The following CFAP299 variants were observed in gnomAD, a reference collection of about 807,000 sequenced individuals.
CFAP299 encodes cilia and flagella associated protein 299.
In CFAP299, 21 loss-of-function variants were observed where a neutral mutation model predicts 27.0. The ratio of observed to expected loss-of-function variants is 0.78; its 90% CI spans 0.55 to 1.12. The LOEUF is 1.12. Ranked by LOEUF, CFAP299 falls within the 50% of genes most tolerant of loss-of-function variation. The pLI is 0.00. For missense variants in CFAP299, 310 were observed against 276.6 expected (o/e 1.12, Z -0.86); for synonymous variants, 104 against 98.1 (o/e 1.06, Z -0.36).
At chr4:80,576,193 A>ATATATAT (rs1264207681) in intron 2 of CFAP299, among the ~76,000 whole-genome samples, 9 of 33,308 alleles carry the variant, frequency 2.7e-4, no homozygotes, top group African/African-American at 7.0e-4. Flanking sequence ...ATAATAAAAA[A>ATATATAT]AAAAATATAT....
chr4:80,497,526 CATATT>C (rs921646986), intron 2 of CFAP299, among the ~76,000 whole-genome samples: 5 of 152,140 alleles, frequency 3.3e-5, no homozygotes, highest in Non-Finnish European at 7.4e-5. Context: ...TACACACACA[CATATT>C]ATAGAAAAAT....
Position 80,437,109 on chromosome 4 carries a change from A to G in CFAP299, c.242+74225A>G, listed in dbSNP as rs536157414. Among the ~76,000 whole-genome samples the G allele has an allele frequency of 1.5e-4, 23 of 152,334 alleles. No homozygotes were observed. In the South Asian group the frequency reaches 4.6e-3, roughly 30 times the overall value. On this transcript the variant is annotated intron_variant, in intron 2 of 5. Coordinates refer to ENST00000358105, the MANE Select transcript of CFAP299 (RefSeq NM_152770.3). ...GCTAAGAGTTAGATAATAACCAGATAAATGACTACAGTGAATTATCCTACA... is the reference window on the plus strand; with the variant it reads ...GCTAAGAGTTAGATAATAACCAGATGAATGACTACAGTGAATTATCCTACA...
At chr4:80,652,164 T>TGATGAAATA (rs774558392) in intron 3 of CFAP299, among the ~76,000 whole-genome samples, 3 of 152,150 alleles carry the variant, frequency 2.0e-5, no homozygotes, top group Admixed American at 6.5e-5. Flanking sequence ...ACATTTTAGA[T>TGATGAAATA]GATGAAATAC....
At chr4:80,482,166 C>A (rs1330578680) in intron 2 of CFAP299, among the ~76,000 whole-genome samples, 2 of 151,518 alleles carry the variant, frequency 1.3e-5, no homozygotes, top group Non-Finnish European at 2.9e-5. Context: ...GCTTGAAATT[C>A]TTTTACCAGA....
chr4:80,888,004 G>A lies in CFAP299; in HGVS notation c.476+17869G>A. On this transcript the variant is annotated intron_variant, in intron 4 of 5. Transcript: ENST00000358105. ...TATAAAAAAATAAAAAAATAGGAAAGTAAAGTATATCACCAGAGAAAAATC... is the reference window on the plus strand; with the variant it reads ...TATAAAAAAATAAAAAAATAGGAAAATAAAGTATATCACCAGAGAAAAATC... Among the ~76,000 whole-genome samples the A allele has an allele frequency of 1.3e-5, 2 of 151,848 alleles. 1 individual carries two copies. The highest frequency in any genetic ancestry group is 2.9e-5 in the Non-Finnish European group (2 of 67,884).
At chr4:80,952,296 TA>T (rs1022605000) in intron 5 of CFAP299, among the ~76,000 whole-genome samples, 4 of 151,954 alleles carry the variant, frequency 2.6e-5, no homozygotes, top group Admixed American at 6.6e-5. Flanking sequence ...AAATAATTCT[TA>T]AAAAAAATTG....
At chr4:80,833,433 G>A (rs1235657179) in intron 3 of CFAP299, among the ~76,000 whole-genome samples, 3 of 151,834 alleles carry the variant, frequency 2.0e-5, no homozygotes, top group Non-Finnish European at 2.9e-5. Flanking sequence ...TGAGGGGTGG[G>A]GAAAAATAAC....
At chr4:80,536,246 T>G (rs1244641304) in intron 2 of CFAP299, among the ~76,000 whole-genome samples, 1 of 152,156 alleles carries the variant, frequency 6.6e-6, no homozygotes, top group Non-Finnish European at 1.5e-5. Context: ...AATATTTCAG[T>G]AGGATCTGAA....
chr4:80,749,909 T>G lies in CFAP299; in HGVS notation c.334-120084T>G, dbSNP rs530851062. On this transcript the variant is annotated intron_variant, in intron 3 of 5. Transcript: ENST00000358105. ...ACCCAAGAACAATACTTTGTATCCT[T>G]CAGTCCAGTTAAGTTGACAATATTA... Among the ~76,000 whole-genome samples, 68 of 152,340 alleles carry G rather than the reference T, an allele frequency of 4.5e-4. 1 individual carries two copies. The highest frequency in any genetic ancestry group is 1.6e-3 in the African/African-American group (66 of 41,590).
chr4:80,693,252 G>A (rs1364920521), intron 3 of CFAP299, among the ~76,000 whole-genome samples: 1 of 151,982 alleles, frequency 6.6e-6, no homozygotes, highest in Non-Finnish European at 1.5e-5. Context: ...GTACACGTAT[G>A]TTTATTGTGG....
intron 5 of CFAP299, among the ~76,000 whole-genome samples, chr4:80,959,996 C>A (rs1738265385): frequency 6.6e-6 from 1 of 151,624 alleles, no homozygotes; most frequent in South Asian, 2.1e-4. Context: ...GGAAACTGTT[C>A]TTTGAATTCT....
intron 1 of CFAP299, among the ~76,000 whole-genome samples, chr4:80,337,312 G>A (rs1047876931): frequency 2.6e-5 from 4 of 151,980 alleles, no homozygotes; most frequent in African/African-American, 9.7e-5. Flanking sequence ...TATTTTTTAA[G>A]GCACAGTTCT....
chr4:80,432,301 G>A (rs911788603), intron 2 of CFAP299, among the ~76,000 whole-genome samples: 14 of 150,788 alleles, frequency 9.3e-5, no homozygotes, highest in Admixed American at 4.0e-4. Flanking sequence ...ACAGGCACGC[G>A]CCACCATGGC....
chr4:80,780,448 G>A (rs2110090455), intron 3 of CFAP299, among the ~76,000 whole-genome samples: 1 of 152,166 alleles, frequency 6.6e-6, no homozygotes, highest in East Asian at 1.9e-4. Context: ...GCATATTAAA[G>A]TCTACCCAGA....
At position 80,453,841 on chromosome 4, in the gene CFAP299, AAATAATAATAAT is replaced by A. The variant is rs10692004; in HGVS notation, c.242+90994_242+91005del. Among the ~76,000 whole-genome samples the A allele has an allele frequency of 5.8e-3, 793 of 135,974 alleles. 6 individuals are homozygous for A. Among genetic ancestry groups the A allele is most frequent in the African/African-American group, 0.018 (666 of 37,002 alleles). 89.2% of individuals were successfully genotyped at this position (135,974 alleles called of 152,430 possible). A position where few individuals can be genotyped will look rare whatever the true frequency, so the allele number is the denominator to read the frequency against. On this transcript the variant is annotated intron_variant, in intron 2 of 5. Coordinates refer to ENST00000358105, the MANE Select transcript of CFAP299 (RefSeq NM_152770.3). ...GGGTGACAGAATGAGACCCTGTCTC[AAATAATAATAAT>A]AATAATAATAATAATAATAATAATA...
At chr4:80,821,993 AC>A (rs1729733238) in intron 3 of CFAP299, among the ~76,000 whole-genome samples, 1 of 152,106 alleles carries the variant, frequency 6.6e-6, no homozygotes, top group Non-Finnish European at 1.5e-5. Flanking sequence ...ATAAAAAAGA[AC>A]CGCTGACGAT....
chr4:80,880,137 G>A (rs10026644), intron 4 of CFAP299, among the ~76,000 whole-genome samples: 32,245 of 151,790 alleles, frequency 0.21, 5,528 homozygotes, highest in African/African-American at 0.46. Context: ...GGAGGGAAGC[G>A]GGGAGAAAGG....
At chr4:80,790,410 A>C (rs141219150) in intron 3 of CFAP299, 1 of 152,136 alleles carries the variant, frequency 6.6e-6, no homozygotes, top group East Asian at 1.9e-4. Flanking sequence ...CTATGGACCG[A>C]AAGTCTGTGA....
chr4:80,853,254 C>T (rs557355881), intron 3 of CFAP299, among the ~76,000 whole-genome samples: 39 of 152,166 alleles, frequency 2.6e-4, no homozygotes, highest in Non-Finnish European at 5.0e-4. Flanking sequence ...TGGTCTCGAA[C>T]TCCTGACCTC....
Sources: gnomAD v4.1 joint callset for allele counts (sites outside exome capture counted in the v4.1 genomes callset) on GRCh38, gnomAD v4.1.1 for gene constraint, MANE v1.5 for transcripts, NCBI Gene and HGNC (gene_info 2026-07-23, HGNC 2026-07-21) for gene names.